The following SCRIB variants were observed in gnomAD, a reference collection of about 807,000 sequenced individuals.
The protein encoded by SCRIB is protein scribble homolog.
Under a neutral mutation model 170.0 loss-of-function variants are expected in SCRIB, and 72 were observed. That is an observed-to-expected ratio of 0.42 (90% confidence interval 0.35 to 0.52). The LOEUF is 0.52. Ranked by LOEUF, SCRIB falls within the 20% of genes least tolerant of loss-of-function variation. The probability of loss-of-function intolerance (pLI) is 0.02; values close to 1 mark genes in which losing one functional copy is unlikely to be tolerated. For synonymous variants in SCRIB, 1,298 were observed against 1,044.3 expected, an observed-to-expected ratio of 1.24 and a Z score of -4.68; for missense variants, 2,475 against 2,338.5, an observed-to-expected ratio of 1.06 and a Z score of -1.20.
At chr8:143,795,558 G>A (rs1554633942) in intron 24 of SCRIB, 28 bp from the exon 25 acceptor site, 6 of 1,572,540 alleles carry the variant, frequency 3.8e-6, no homozygotes, top group African/African-American at 1.3e-5. Flanking sequence ...GGCTAAGAAG[G>A]GGGGACTGCA....
In SCRIB at chr8:143,792,229, C is replaced by T; in HGVS notation, c.4505G>A (p.Arg1502Lys). 1.9e-6 allele frequency: 3 copies of T among 1,563,374 alleles called. No homozygotes were observed. Among genetic ancestry groups the T allele is most frequent in the Non-Finnish European group, 2.6e-6 (3 of 1,162,104 alleles). The stretch of plus-strand genomic sequence containing the variant: ...CCACACAGGGGCTCACCTGGCTGCC[C>T]TCCACAGCGCACGCTTCTCGGCCTC... ...ALEAEKRALW[R>K]AARMKSLEQD... The change falls in exon 32 of 37, where the codon AGG (arginine) becomes AAG (lysine). Residue 1502 changes from arginine (R) to lysine (K), a missense_variant. Around this residue, in one of 3 missense-constraint regions of SCRIB, gnomAD observed 1,966 missense variants for 1,742.9 expected, o/e 1.13. Transcript: ENST00000356994.
In SCRIB at chr8:143,812,990, G is replaced by A. The variant is rs753507238; in HGVS notation, c.643-29C>T. On this transcript the variant is annotated intron_variant, in intron 7 of 36. Transcript: ENST00000356994. ...CAGGTGGGCAGAGAGTCAGAGCGCG[G>A]ATGGGCACGAAGCAGGGGGCCAGCC... 3.1e-6 allele frequency: 5 copies of A among 1,611,576 alleles called. No homozygotes were observed. The Admixed American group carries it at 8.4e-5, about 27-fold the overall frequency.
rs1425686948 is a variant in SCRIB at position 143,810,596 on chromosome 8, C to A, written c.1413G>T (p.Gln471His). The change falls in exon 13 of 37, where the codon CAG becomes CAT. Residue 471 changes from glutamine (Q) to histidine (H), a missense_variant. Physicochemically the swap from Gln to His is conservative, Grantham distance 24. Coordinates refer to ENST00000356994, the MANE Select transcript of SCRIB (RefSeq NM_182706.5). Reference protein sequence around the residue: ...EEAAAEKRGLQRRATPHPSEL... With the variant: ...EEAAAEKRGLHRRATPHPSEL... ...CGCTGGGGTGAGGTGTGGCCCGGCG[C>A]TGTAGGCCCTGTTGTAGGGACAAGG... is the stretch of plus-strand genomic sequence containing the variant. 6.2e-7 allele frequency: 1 copy of A among 1,613,502 alleles called. No individual in the cohort carries two copies. Among genetic ancestry groups the A allele is most frequent in the Non-Finnish European group, 8.5e-7 (1 of 1,179,826 alleles).
rs1248354806 is a variant in SCRIB at position 143,812,820 on chromosome 8, T to C, written c.784A>G (p.Ile262Val). 2 of 1,598,732 alleles carry C rather than the reference T, an allele frequency of 1.3e-6. No homozygotes were observed. The highest frequency in any genetic ancestry group is 4.5e-5 in the East Asian group (2 of 44,822). Residue 262 changes from isoleucine (I) to valine (V), a missense_variant, in exon 8 of 37, where the codon ATC becomes GTC. This residue lies in a region of SCRIB where 487 missense variants were observed against 558.1 expected (regional missense o/e 0.87). Transcript: ENST00000356994. ...QNLLRRLPDG[I>V]GQLKQLSILK... is the part of the protein sequence containing the mutation. ...AGGCACCCCCAGGCACACTAACCGATGCCGTCGGGCAGCCTCCGCAGCAGG... is the reference window on the plus strand; with the variant it reads ...AGGCACCCCCAGGCACACTAACCGACGCCGTCGGGCAGCCTCCGCAGCAGG...
At position 143,792,593 on chromosome 8, in the gene SCRIB, G is replaced by A. The variant is rs918994355; in HGVS notation, c.4220C>T (p.Ala1407Val). 7 of 1,587,724 alleles carry A rather than the reference G, an allele frequency of 4.4e-6. No individual in the cohort carries two copies. The highest frequency in any genetic ancestry group is 2.3e-5 in the East Asian group (1 of 44,366). Residue 1407 changes from alanine (A) to valine (V), a missense_variant, in exon 31 of 37, where the codon GCG (alanine) becomes GTG (valine). By Grantham distance (64) the Ala-to-Val change is moderately conservative. This residue lies in a region of SCRIB where 1,966 missense variants were observed against 1,742.9 expected (regional missense o/e 1.13). Transcript: ENST00000356994. ...QQKRAQMLREAAEAGAEARLA... is the reference protein window; with the variant it reads ...QQKRAQMLREVAEAGAEARLA... ...CCTCGCTTCGGCCCCAGCCTCTGCC[G>A]CCTCCCGCAGCATCTGCGCTCTCTT... is the stretch of plus-strand genomic sequence containing the variant.
chr8:143,810,802 G>C lies in SCRIB; in HGVS notation c.1288C>G (p.Gln430Glu), dbSNP rs1410401501. 4 of 1,601,908 alleles carry C rather than the reference G, an allele frequency of 2.5e-6. No individual in the cohort carries two copies. Among genetic ancestry groups the C allele is most frequent in the Non-Finnish European group, 3.4e-6 (4 of 1,177,004 alleles). The change falls in exon 12 of 37, where the codon CAG (glutamine) becomes GAG (glutamate). Residue 430 changes from glutamine to glutamate, a missense_variant. Transcript: ENST00000356994. ...CTCCAGGTCTCCGAGAGGCTCCCCT[G>C]CTGCCCAGCATCCTCTGCAGCAGGT... ...PPPSLEDAGQ[Q>E]GSLSETWSDA...
chr8:143,808,737 C>T lies in SCRIB; in HGVS notation c.1987G>A (p.Glu663Lys), dbSNP rs201714353. Residue 663 changes from glutamate (E) to lysine (K), a missense_variant, in exon 15 of 37, where the codon GAG becomes AAG. Transcript: ENST00000356994. ...TCCTGAGGACTACCCTCTTCCTCCT[C>T]CTCCTCCTCCTTCTGGGCCCGAGGA... ...WAPRAQKEEE[E>K]EEEGSPQEEE... 83 of 1,602,490 alleles carry T rather than the reference C, an allele frequency of 5.2e-5. 1 individual carries two copies. The East Asian group carries it at 8.5e-4, about 16-fold the overall frequency.
At chr8:143,811,107 G>C in intron 10 of SCRIB, 35 bp from the exon 11 acceptor site, 2 of 1,605,368 alleles carry the variant, frequency 1.2e-6, no homozygotes, top group Non-Finnish European at 1.7e-6. Flanking sequence ...GCAGGCGTTG[G>C]GGCCACGGTT....
Position 143,791,235 on chromosome 8 carries a change from T to A in SCRIB, c.4896A>T (p.Glu1632Asp), listed in dbSNP as rs200643687. ...GRPSPGAVGP[E>D]DVALCSSRRP... ...GGCGGCTGCTGCACAGTGCCACATC[T>A]TCAGGGCCCACAGCGCCGGGTGAGG... The change falls in exon 37 of 37, where the codon GAA (glutamate) becomes GAT (aspartate). Residue 1632 changes from glutamate to aspartate, a missense_variant. Around this residue, in one of 3 missense-constraint regions of SCRIB, gnomAD observed 1,966 missense variants for 1,742.9 expected, o/e 1.13. Transcript: ENST00000356994. 9.5e-4 allele frequency: 1,416 copies of A among 1,487,190 alleles called. 5 individuals are homozygous for A. Among genetic ancestry groups the A allele is most frequent in the Non-Finnish European group, 1.2e-3 (1,343 of 1,117,614 alleles). 92.1% of individuals were successfully genotyped at this position (1,487,190 alleles called of 1,614,324 possible). A position where few individuals can be genotyped will look rare whatever the true frequency, so the allele number is the denominator to read the frequency against.
In SCRIB at chr8:143,804,821, T is replaced by C; in HGVS notation, c.2756A>G (p.Asn919Ser). ...LQVGDRVLSI[N>S]GVDVTEARHD... is the part of the protein sequence containing the mutation. ...CCTGGCCTCAGTCACGTCCACTCCATTAATCTGTGAGAGCGTGCCCGAATC... is the reference window on the plus strand; with the variant it reads ...CCTGGCCTCAGTCACGTCCACTCCACTAATCTGTGAGAGCGTGCCCGAATC... Residue 919 changes from asparagine to serine, a missense_variant, in exon 21 of 37, where the codon AAT becomes AGT. By Grantham distance (46) the Asn-to-Ser change is conservative. Transcript: ENST00000356994. The C allele has an allele frequency of 6.3e-7, 1 of 1,586,706 alleles. No homozygotes were observed. The highest frequency in any genetic ancestry group is 8.5e-7 in the Non-Finnish European group (1 of 1,172,860).
Position 143,812,977 on chromosome 8 carries a change from G to A in SCRIB, c.643-16C>T. On this transcript the variant is annotated splice_polypyrimidine_tract_variant and intron_variant, in intron 7 of 36. Transcript: ENST00000356994. ...TCCCGAGCTCCTGCAGGTGGGCAGA[G>A]AGTCAGAGCGCGGATGGGCACGAAG... is the stretch of plus-strand genomic sequence containing the variant. 1.9e-6 allele frequency: 3 copies of A among 1,612,398 alleles called. No individual in the cohort carries two copies. Among genetic ancestry groups the A allele is most frequent in the Non-Finnish European group, 2.5e-6 (3 of 1,179,796 alleles).
chr8:143,804,259 G>A, intron 21 of SCRIB, 103 bp from the exon 22 acceptor site: 1 of 887,968 alleles, frequency 1.1e-6, no homozygotes, highest in South Asian at 1.7e-5. Context: ...TGGCGGGCGG[G>A]GGCTGCCCTA....
In SCRIB at chr8:143,792,353, C is replaced by T. The variant is rs868951478; in HGVS notation, c.4381G>A (p.Ala1461Thr). 1 of 1,534,094 alleles carries T rather than the reference C, an allele frequency of 6.5e-7. No homozygotes were observed. The highest frequency in any genetic ancestry group is 8.7e-7 in the Non-Finnish European group (1 of 1,146,074). Residue 1461 changes from alanine to threonine, a missense_variant, in exon 32 of 37, where the codon GCC becomes ACC. Around this residue, in one of 3 missense-constraint regions of SCRIB, gnomAD observed 1,966 missense variants for 1,742.9 expected, o/e 1.13. Transcript: ENST00000356994. ...PLGGGAPVRTAKAERRHQERL... is the reference protein window; with the variant it reads ...PLGGGAPVRTTKAERRHQERL... ...TCCTGGTGGCGCCGTTCAGCTTTGG[C>T]CGTCCGCACCGGGGCGCCACCTCCC...
intron 21 of SCRIB, 143 bp downstream of exon 21, chr8:143,804,425 C>T: frequency 1.1e-6 from 1 of 895,830 alleles, no homozygotes; most frequent in South Asian, 2.0e-5. Context: ...AGAGCCCCAG[C>T]CTCAAGGAGC....
chr8:143,793,208 G>C (rs1814787411), intron 28 of SCRIB, 125 bp from the exon 29 acceptor site: 3 of 558,084 alleles, frequency 5.4e-6, no homozygotes. Flanking sequence ...CCACCATCCT[G>C]CTGGGGAAGG....
Position 143,805,105 on chromosome 8 carries a change from G to A in SCRIB, c.2670+7C>T. Reference sequence around the variant, plus strand: ...CAGCCCTCCCCGGCCCTGGGCCCCAGCCTCACCGCATCACCAGCCCTGTAG... The same window carrying A: ...CAGCCCTCCCCGGCCCTGGGCCCCAACCTCACCGCATCACCAGCCCTGTAG... On this transcript the variant is annotated splice_region_variant and intron_variant, in intron 19 of 36. Transcript: ENST00000356994. The A allele has an allele frequency of 1.9e-6, 3 of 1,599,130 alleles. No homozygotes were observed. Among genetic ancestry groups the A allele is most frequent in the Non-Finnish European group, 2.6e-6 (3 of 1,173,122 alleles).
intron 24 of SCRIB, among the ~76,000 whole-genome samples, chr8:143,800,994 A>G (rs138976478): frequency 2.6e-5 from 4 of 152,276 alleles, no homozygotes; most frequent in African/African-American, 9.6e-5. Context: ...TCAAGACAAG[A>G]AAAAGGAGTG....
Position 143,810,898 on chromosome 8 carries a change from C to A in SCRIB, c.1273+8G>T, listed in dbSNP as rs1234796350. 1.2e-6 allele frequency: 2 copies of A among 1,611,088 alleles called. No individual in the cohort carries two copies. The highest frequency in any genetic ancestry group is 1.1e-5 in the South Asian group (1 of 91,068). On this transcript the variant is annotated splice_region_variant and intron_variant, in intron 11 of 36. Transcript: ENST00000356994. ...CCCCGCGCTAAGCACCGGTTGCCAA[C>A]AACCTACCGAGGCTGGGTGGGGGCT...
chr8:143,797,835 G>A (rs577485799), intron 24 of SCRIB, among the ~76,000 whole-genome samples: 3 of 152,382 alleles, frequency 2.0e-5, no homozygotes, highest in South Asian at 2.1e-4. Context: ...ATCGGGCCGC[G>A]CCCTTCCACG....
Sources: gnomAD v4.1 joint callset for allele counts (sites outside exome capture counted in the v4.1 genomes callset) on GRCh38, gnomAD v4.1.1 for gene constraint, gnomAD v4.1.1 regional missense constraint, MANE v1.5 for transcripts, NCBI Gene and HGNC (gene_info 2026-07-23, HGNC 2026-07-21) for gene names.